The following DENND6A variants were observed in gnomAD, a reference collection of about 807,000 sequenced individuals.
DENND6A encodes DENN domain containing 6A.
A neutral mutation model predicts 95.5 loss-of-function variants in DENND6A; 43 were observed. That is an observed-to-expected ratio of 0.45 (90% CI 0.35 to 0.58). The LOEUF is 0.58. Among genes scored for constraint, DENND6A ranks in the 20% least tolerant of loss-of-function variants. The pLI is 0.00. For synonymous variants in DENND6A, 257 were observed against 260.4 expected (o/e 0.99, Z 0.13); for missense variants, 574 against 736.0 (o/e 0.78, Z 2.55).
intron 1 of DENND6A, 120 bp from the exon 2 acceptor site, chr3:57,672,558 G>A (rs907401679): frequency 1.2e-5 from 12 of 1,008,734 alleles, no homozygotes; most frequent in African/African-American, 3.3e-5. Context: ...CAAGGCAGGC[G>A]GATCACTTGA....
intron 9 of DENND6A, among the ~76,000 whole-genome samples, chr3:57,647,610 A>G (rs956803601): frequency 6.6e-6 from 1 of 152,148 alleles, no homozygotes; most frequent in African/African-American, 2.4e-5. Context: ...AGACAGAATG[A>G]GTTGAGGAGG....
At chr3:57,649,530 T>TAAAA (rs11373872) in intron 9 of DENND6A, among the ~76,000 whole-genome samples, 1 of 139,168 alleles carries the variant, frequency 7.2e-6, no homozygotes, top group African/African-American at 2.7e-5. Flanking sequence ...AAGGAAGTCA[T>TAAAA]AAAAAAAAAA....
At chr3:57,636,936 CAAAA>C (rs60350642) in intron 12 of DENND6A, among the ~76,000 whole-genome samples, 2 of 52,004 alleles carry the variant, frequency 3.8e-5, no homozygotes, top group East Asian at 6.4e-4. Flanking sequence ...GACTCTGTCT[CAAAA>C]AAAAAAAAAA....
At chr3:57,666,095 G>A in intron 4 of DENND6A, 28 bp downstream of exon 4, 1 of 1,577,474 alleles carries the variant, frequency 6.3e-7, no homozygotes, top group Non-Finnish European at 8.7e-7. Flanking sequence ...CTCTCACATG[G>A]ACATTTTCCT....
intron 9 of DENND6A, among the ~76,000 whole-genome samples, chr3:57,653,153 T>C (rs756414494): frequency 1.3e-5 from 2 of 152,292 alleles, no homozygotes; most frequent in East Asian, 3.9e-4. Flanking sequence ...ACTTACTACT[T>C]TTCTGTTGGT....
Position 57,693,062 on chromosome 3 carries a change from G to A in DENND6A, c.-44C>T. ...TCGCGCCGCCTCCACAGCGGACCGC[G>A]CCGCAGAGCGCGCTTGCCTCCGCGC... On this transcript the variant is annotated 5_prime_UTR_variant, in exon 1 of 20. Coordinates refer to ENST00000311128, the MANE Select transcript of DENND6A (RefSeq NM_152678.3). 2 of 1,339,442 alleles carry A rather than the reference G, an allele frequency of 1.5e-6. No individual in the cohort carries two copies. Among genetic ancestry groups the A allele is most frequent in the Non-Finnish European group, 1.9e-6 (2 of 1,048,046 alleles). The allele number at this position is 1,339,442 out of a possible 1,614,324, so 83.0% of individuals were successfully genotyped here.
intron 11 of DENND6A, among the ~76,000 whole-genome samples, chr3:57,645,200 C>T (rs1328847438): frequency 1.3e-5 from 2 of 152,182 alleles, no homozygotes; most frequent in East Asian, 3.9e-4. Flanking sequence ...TGGTGGCTCA[C>T]ACCTGTAATC....
intron 15 of DENND6A, among the ~76,000 whole-genome samples, chr3:57,631,904 A>G (rs2070687913): frequency 1.3e-5 from 2 of 148,182 alleles, no homozygotes; most frequent in Admixed American, 6.7e-5. Flanking sequence ...TTGTATTTTT[A>G]GTAGAGACGG....
intron 12 of DENND6A, among the ~76,000 whole-genome samples, chr3:57,635,324 G>A (rs2070768768): frequency 6.6e-6 from 1 of 152,180 alleles, no homozygotes; most frequent in Non-Finnish European, 1.5e-5. Context: ...CTGAGCCACA[G>A]ATGGACAGGA....
intron 1 of DENND6A, among the ~76,000 whole-genome samples, chr3:57,688,571 G>C (rs1450493329): frequency 6.6e-6 from 1 of 151,840 alleles, no homozygotes; most frequent in Non-Finnish European, 1.5e-5. Flanking sequence ...GCTAAAATTA[G>C]TACCATGGAA....
At chr3:57,640,583 T>C (rs539821570) in intron 12 of DENND6A, among the ~76,000 whole-genome samples, 11 of 152,212 alleles carry the variant, frequency 7.2e-5, no homozygotes, top group Admixed American at 3.9e-4. Context: ...GTCACATAAA[T>C]AGATAAATGT....
intron 9 of DENND6A, chr3:57,654,966 T>G (rs530844059): frequency 4.3e-6 from 1 of 232,660 alleles, no homozygotes; most frequent in Admixed American, 6.5e-5. Context: ...TATTAAATGC[T>G]TGATATAATA....
chr3:57,671,979 A>G lies in DENND6A; in HGVS notation c.319+277T>C, dbSNP rs181940187. On this transcript the variant is annotated intron_variant, in intron 3 of 19. Transcript: ENST00000311128. ...AAACTATTTAATACATACTCCACGA[A>G]TCCCAAATATACCAATGTCGCTGAT... Among the ~76,000 whole-genome samples, 407 of 152,338 alleles carry G rather than the reference A, an allele frequency of 2.7e-3. 13 individuals carry two copies. Among genetic ancestry groups the G allele is most frequent in the Admixed American group, 0.026 (395 of 15,302 alleles).
At chr3:57,680,660 A>T (rs1161529987) in intron 1 of DENND6A, among the ~76,000 whole-genome samples, 2 of 152,248 alleles carry the variant, frequency 1.3e-5, no homozygotes, top group African/African-American at 2.4e-5. Flanking sequence ...TATAACTAAT[A>T]AGGGTCTAGT....
intron 11 of DENND6A, 43 bp from the exon 12 acceptor site, chr3:57,641,790 A>G (rs1559808926): frequency 6.6e-7 from 1 of 1,508,546 alleles, no homozygotes; most frequent in Non-Finnish European, 9.1e-7. Flanking sequence ...GGTGAGAAAA[A>G]GATGAATGCT....
intron 1 of DENND6A, among the ~76,000 whole-genome samples, chr3:57,683,925 CG>C (rs2077188356): frequency 6.6e-6 from 1 of 151,894 alleles, no homozygotes; most frequent in Non-Finnish European, 1.5e-5. Context: ...GAGGCCGCAG[CG>C]GGTGGATCAC....
At chr3:57,628,493 C>G in intron 19 of DENND6A, 148 bp from the exon 20 acceptor site, 3 of 1,168,594 alleles carry the variant, frequency 2.6e-6, no homozygotes, top group South Asian at 1.8e-5. Flanking sequence ...AAGCAAGGAG[C>G]ATTCTATTTA....
chr3:57,668,885 T>C (rs550812700), intron 3 of DENND6A, among the ~76,000 whole-genome samples: 1 of 152,234 alleles, frequency 6.6e-6, no homozygotes, highest in Admixed American at 6.5e-5. Flanking sequence ...AATCCTTTTT[T>C]TTCTTGAGAT....
chr3:57,647,235 G>A (rs964155043), intron 9 of DENND6A, among the ~76,000 whole-genome samples: 3 of 152,074 alleles, frequency 2.0e-5, no homozygotes, highest in Non-Finnish European at 4.4e-5. Context: ...ATTATGAGAT[G>A]GAAATTAGGG....
Sources: gnomAD v4.1 joint callset for allele counts (sites outside exome capture counted in the v4.1 genomes callset) on GRCh38, gnomAD v4.1.1 for gene constraint, MANE v1.5 for transcripts, NCBI Gene and HGNC (gene_info 2026-07-23, HGNC 2026-07-21) for gene names.